The following RSU1 variants were observed in gnomAD, a reference collection of about 807,000 sequenced individuals.
The protein encoded by RSU1 is rsu-1.
Under a neutral mutation model 31.1 loss-of-function variants are expected in RSU1, and 26 were observed. The observed-to-expected ratio is 0.84, with a 90% CI of 0.61 to 1.16. RSU1 has a LOEUF of 1.16. RSU1 is among the 50% of genes most tolerant of loss of function. RSU1 has a pLI of 0.00. For synonymous variants in RSU1, 164 were observed against 136.3 expected (o/e 1.20, Z -1.41); for missense variants, 320 against 339.1 (o/e 0.94, Z 0.44).
At chr10:16,597,980 G>A (rs1230276003) in intron 8 of RSU1, among the ~76,000 whole-genome samples, 1 of 152,220 alleles carries the variant, frequency 6.6e-6, no homozygotes, top group Non-Finnish European at 1.5e-5. Flanking sequence ...GGCAGTGGCG[G>A]TGCAGTCACA....
intron 8 of RSU1, among the ~76,000 whole-genome samples, chr10:16,616,864 T>C (rs75694853): frequency 0.024 from 3,679 of 152,258 alleles, 151 homozygotes; most frequent in African/African-American, 0.084. Flanking sequence ...ATAGCACATA[T>C]CTCAAAAAGA....
chr10:16,591,661 G>C lies in RSU1; in HGVS notation c.*1733C>G, dbSNP rs1213628566. The C allele has an allele frequency of 2.0e-5, 3 of 152,062 alleles. No individual in the cohort carries two copies. Among genetic ancestry groups the C allele is most frequent in the Non-Finnish European group, 4.4e-5 (3 of 68,012 alleles). The allele number at this position is 152,062 out of a possible 1,614,324, so 9.4% of individuals were successfully genotyped here. A position where few individuals can be genotyped will look rare whatever the true frequency, so the allele number is the denominator to read the frequency against. ...TTCGATGATTGCTTCATGTTTCTGGGAGGTATTTCGTTCCTGTGCGTTTCT... is the reference window on the plus strand; with the variant it reads ...TTCGATGATTGCTTCATGTTTCTGGCAGGTATTTCGTTCCTGTGCGTTTCT... On this transcript the variant is annotated 3_prime_UTR_variant, in exon 9 of 9. Coordinates refer to ENST00000345264, the MANE Select transcript of RSU1 (RefSeq NM_012425.4).
chr10:16,817,277 CG>C, intron 1 of RSU1, 37 bp downstream of exon 1: 1 of 577,742 alleles, frequency 1.7e-6, no homozygotes, highest in Non-Finnish European at 3.1e-6. Flanking sequence ...GGCCACGCAG[CG>C]AGAAGCAACC....
intron 3 of RSU1, among the ~76,000 whole-genome samples, chr10:16,766,365 T>C (rs947094062): frequency 1.3e-5 from 2 of 152,152 alleles, no homozygotes; most frequent in Non-Finnish European, 2.9e-5. Context: ...AGGTGCACAG[T>C]CCATGGAACA....
At chr10:16,710,521 T>C (rs536406015) in intron 7 of RSU1, among the ~76,000 whole-genome samples, 1 of 152,130 alleles carries the variant, frequency 6.6e-6, no homozygotes, top group Non-Finnish European at 1.5e-5. Context: ...GCTGGCCTCA[T>C]AAAATTTTAC....
intron 7 of RSU1, among the ~76,000 whole-genome samples, chr10:16,734,872 G>A (rs973372996): frequency 6.6e-6 from 1 of 152,110 alleles, no homozygotes; most frequent in Non-Finnish European, 1.5e-5. Flanking sequence ...TCATATGAGT[G>A]GATCTTAATC....
At chr10:16,702,715 G>A (rs1383836265) in intron 7 of RSU1, among the ~76,000 whole-genome samples, 1 of 152,196 alleles carries the variant, frequency 6.6e-6, no homozygotes, top group Admixed American at 6.5e-5. Flanking sequence ...TAGGTTCACA[G>A]GTGGAAGGGA....
chr10:16,640,968 G>A (rs146223193), intron 8 of RSU1, among the ~76,000 whole-genome samples: 116 of 152,322 alleles, frequency 7.6e-4, no homozygotes, highest in African/African-American at 2.2e-3. Context: ...ATTATTATTA[G>A]GGAAGAAGGC....
intron 8 of RSU1, among the ~76,000 whole-genome samples, chr10:16,666,581 T>C (rs371509889): frequency 3.9e-5 from 6 of 152,084 alleles, no homozygotes; most frequent in East Asian, 3.9e-4. Context: ...ACTAAAGTAT[T>C]TAAAAATAGT....
chr10:16,764,244 T>A lies in RSU1; in HGVS notation c.281+146A>T, dbSNP rs1837266548. The A allele has an allele frequency of 3.3e-6, 3 of 902,738 alleles. No individual in the cohort carries two copies. In the East Asian group the frequency reaches 8.2e-5, roughly 25 times the overall value. 55.9% of individuals were successfully genotyped at this position (902,738 alleles called of 1,614,324 possible). ...CCACTGAAAGAATATATTAAAACAA[T>A]AAAATTTTTTTAAGACCCAAAACAT... On this transcript the variant is annotated intron_variant, in intron 4 of 8. Coordinates refer to ENST00000345264, the MANE Select transcript of RSU1 (RefSeq NM_012425.4).
rs1184206983 is a variant in RSU1, at chr10:16,682,138, C to T, written c.731+12885G>A. On this transcript the variant is annotated intron_variant, in intron 8 of 8. Transcript: ENST00000345264. ...AAAAATGAGACAAAAATCATGAAGG[C>T]TGTAGATGTGGTGACCAGAGTCCCA... Among the ~76,000 whole-genome samples, 4 of 152,248 alleles carry T rather than the reference C, an allele frequency of 2.6e-5. No homozygotes were observed. In the East Asian group the frequency reaches 5.8e-4, roughly 22 times the overall value.
intron 2 of RSU1, among the ~76,000 whole-genome samples, chr10:16,814,470 A>AAAAG (rs1838485222): frequency 7.3e-6 from 1 of 136,794 alleles, no homozygotes; most frequent in African/African-American, 3.0e-5. Flanking sequence ...AAAAAAAAAG[A>AAAAG]AAAAAAAATT....
intron 3 of RSU1, 72 bp downstream of exon 3, chr10:16,781,962 A>T (rs1175642816): frequency 4.7e-6 from 6 of 1,270,836 alleles, no homozygotes; most frequent in Non-Finnish European, 5.6e-6. Flanking sequence ...CCAAGGAAAC[A>T]GTAACAGACT....
At chr10:16,725,618 C>T (rs1353772014) in intron 7 of RSU1, among the ~76,000 whole-genome samples, 1 of 151,806 alleles carries the variant, frequency 6.6e-6, no homozygotes, top group Admixed American at 6.6e-5. Context: ...TCCTCTTGCC[C>T]TTCTGCCTTC....
intron 2 of RSU1, among the ~76,000 whole-genome samples, chr10:16,796,966 C>A (rs1281476383): frequency 6.6e-6 from 1 of 152,210 alleles, no homozygotes; most frequent in Non-Finnish European, 1.5e-5. Flanking sequence ...GGGCAACTAA[C>A]AAACTTGACA....
intron 8 of RSU1, among the ~76,000 whole-genome samples, chr10:16,613,388 C>A (rs1833925684): frequency 6.6e-6 from 1 of 152,158 alleles, no homozygotes; most frequent in Non-Finnish European, 1.5e-5. Flanking sequence ...CACAATGGTT[C>A]AGAGACTGTG....
chr10:16,737,937 T>C (rs1401351674), intron 7 of RSU1, among the ~76,000 whole-genome samples: 1 of 152,200 alleles, frequency 6.6e-6, no homozygotes, highest in South Asian at 2.1e-4. Context: ...ATATAGACTA[T>C]GAATTTTGAT....
rs78697583 is a variant in RSU1, at chr10:16,784,058, T to C, written c.110-1974A>G. On this transcript the variant is annotated intron_variant, in intron 2 of 8. Transcript: ENST00000345264. ...GCAATTGTGAAGATTGCAGGGGCAA[T>C]TGTTTTGTATTATGTCCCTCTATGT... Among the ~76,000 whole-genome samples, 1,064 of 151,968 alleles carry C rather than the reference T, an allele frequency of 7.0e-3. 12 individuals carry two copies. Among genetic ancestry groups the C allele is most frequent in the African/African-American group, 0.024 (1,006 of 41,370 alleles).
chr10:16,604,387 G>A (rs1833764783), intron 8 of RSU1, among the ~76,000 whole-genome samples: 2 of 152,092 alleles, frequency 1.3e-5, no homozygotes, highest in Non-Finnish European at 2.9e-5. Flanking sequence ...GAAAATGCAG[G>A]CAGTAGGGAC....
Sources: gnomAD v4.1 joint callset for allele counts (sites outside exome capture counted in the v4.1 genomes callset) on GRCh38, gnomAD v4.1.1 for gene constraint, MANE v1.5 for transcripts, NCBI Gene and HGNC (gene_info 2026-07-23, HGNC 2026-07-21) for gene names.